TTLL8: variants seen among roughly 807,000 people sequenced by gnomAD.
TTLL8 encodes the protein tubulin tyrosine ligase like 8, also known as protein monoglycylase TTLL8.
Under a neutral mutation model 77.8 loss-of-function variants are expected in TTLL8, and 65 were observed. The observed-to-expected ratio is 0.84, with a 90% CI of 0.68 to 1.03. The LOEUF (loss-of-function observed/expected upper bound fraction) is 1.03, where lower values mean the gene tolerates loss of function less well. Ranked by LOEUF, TTLL8 falls within the 50% of genes least tolerant of loss-of-function variation. The pLI is 0.00. For synonymous variants in TTLL8, 402 were observed against 422.8 expected, an observed-to-expected ratio of 0.95 and a Z score of 0.60; for missense variants, 910 against 1,004.5, an observed-to-expected ratio of 0.91 and a Z score of 1.27.
intron 12 of TTLL8, among the ~76,000 whole-genome samples, chr22:50,020,084 T>A (rs78523676): frequency 6.6e-6 from 1 of 152,330 alleles, no homozygotes; most frequent in African/African-American, 2.4e-5. Flanking sequence ...AAATGAAATA[T>A]GTCAACAACA....
chr22:50,055,440 G>C (rs1366809355), upstream of TTLL8: 3 of 659,640 alleles, frequency 4.5e-6, no homozygotes, highest in African/African-American at 5.8e-5. Flanking sequence ...GATCACCTGA[G>C]GCCAGGAGTT....
At chr22:50,037,504 G>A (rs1344092292) in intron 8 of TTLL8, among the ~76,000 whole-genome samples, 1 of 152,158 alleles carries the variant, frequency 6.6e-6, no homozygotes, top group Non-Finnish European at 1.5e-5. Flanking sequence ...CCGGCCCAAT[G>A]TTTTCCCATT....
At position 50,020,595 on chromosome 22, in the gene TTLL8, G is replaced by A. The variant is rs1052695889; in HGVS notation, c.2204-4033C>T. ...GACAACGTGCACTCCTCCATTTGAC[G>A]TGAACTCCTCCATCTAACGACGTGT... On this transcript the variant is annotated intron_variant, in intron 12 of 13. Transcript: ENST00000266182. Among the ~76,000 whole-genome samples, 12 of 142,448 alleles carry A rather than the reference G, an allele frequency of 8.4e-5. No individual in the cohort carries two copies. In the East Asian group the frequency reaches 1.1e-3, roughly 13 times the overall value. 93.5% of individuals were successfully genotyped at this position (142,448 alleles called of 152,430 possible). A position where few individuals can be genotyped will look rare whatever the true frequency, so the allele number is the denominator to read the frequency against.
chr22:50,036,373 G>A (rs1469732915), intron 8 of TTLL8, among the ~76,000 whole-genome samples: 1 of 152,140 alleles, frequency 6.6e-6, no homozygotes, highest in Non-Finnish European at 1.5e-5. Flanking sequence ...ACGCAGTGGG[G>A]TGCATCCTGC....
At chr22:50,056,386 C>T (rs976664371), upstream of TTLL8, among the ~76,000 whole-genome samples, 1 of 151,900 alleles carries the variant, frequency 6.6e-6, no homozygotes, top group Admixed American at 6.5e-5. The surrounding 1 kb of genome is among the most constrained non-coding windows in gnomAD (Gnocchi z 4.1). Flanking sequence ...GCGAGGACAC[C>T]CACTGCGGGT....
At chr22:50,051,174 C>A (rs1045904066) in intron 1 of TTLL8, among the ~76,000 whole-genome samples, 1 of 152,184 alleles carries the variant, frequency 6.6e-6, no homozygotes, top group Non-Finnish European at 1.5e-5. Flanking sequence ...AATATGTAAT[C>A]TTTTATCCCT....
At chr22:50,027,094 G>A (rs1377278980) in intron 12 of TTLL8, among the ~76,000 whole-genome samples, 1 of 152,076 alleles carries the variant, frequency 6.6e-6, no homozygotes, top group East Asian at 1.9e-4. Flanking sequence ...AAATTAGCTG[G>A]GCGTGGTGGT....
At chr22:50,027,760 A>G (rs1007779515) in intron 12 of TTLL8, 31 of 985,444 alleles carry the variant, frequency 3.1e-5, no homozygotes, top group Non-Finnish European at 3.7e-5. Flanking sequence ...TCACGGAACA[A>G]ACACACACCA....
chr22:50,049,831 G>A (rs959936408), intron 2 of TTLL8, among the ~76,000 whole-genome samples: 3 of 152,154 alleles, frequency 2.0e-5, no homozygotes, highest in East Asian at 3.9e-4. Context: ...GAGGCCGGGC[G>A]GAGAGAGGAT....
At chr22:50,046,995 G>T in intron 4 of TTLL8, 173 bp downstream of exon 6, 3 of 765,978 alleles carry the variant, frequency 3.9e-6, no homozygotes, top group Non-Finnish European at 4.8e-6. Context: ...GGGGTGCTGG[G>T]GGTGGGGTGG....
chr22:50,056,786 GCAGCAGGCTGCAGC>G, upstream of TTLL8: 1 of 1,288,692 alleles, frequency 7.8e-7, no homozygotes, highest in Non-Finnish European at 1.0e-6. The surrounding 1 kb of genome is among the most constrained non-coding windows in gnomAD (Gnocchi z 4.1). Flanking sequence ...TGATTTCCTG[GCAGCAGGCTGCAGC>G]CAGCACTGCC....
upstream of TTLL8, chr22:50,055,334 G>A: frequency 7.8e-7 from 1 of 1,289,826 alleles, no homozygotes; most frequent in Non-Finnish European, 1.0e-6. Context: ...TTCTGCAAAA[G>A]AGAAGGAGGA....
intron 6 of TTLL8, among the ~76,000 whole-genome samples, chr22:50,043,331 A>G (rs1249734352): frequency 2.0e-5 from 3 of 150,462 alleles, no homozygotes; most frequent in Admixed American, 6.7e-5. Context: ...AGATGGATGG[A>G]TAGATAAACA....
chr22:50,045,634 G>A (rs1055895948), intron 5 of TTLL8: 8 of 593,540 alleles, frequency 1.3e-5, no homozygotes, highest in African/African-American at 2.0e-5. Context: ...GCTGCTCGCC[G>A]CGCTGTCCAC....
At chr22:50,035,468 G>A (rs1401206729) in intron 8 of TTLL8, among the ~76,000 whole-genome samples, 1 of 152,176 alleles carries the variant, frequency 6.6e-6, no homozygotes, top group Non-Finnish European at 1.5e-5. Flanking sequence ...GCCCCTGTAG[G>A]GACAAGCCCC....
chr22:50,030,907 G>C (rs753148291), exon 12 of TTLL8: 1 of 1,321,384 alleles, frequency 7.6e-7, no homozygotes, highest in African/African-American at 1.5e-5. Context: ...CCGCTGAATG[G>C]GGGCGGCTCA....
At chr22:50,046,084 C>T (rs2061409434) in intron 4 of TTLL8, 114 bp from the exon 7 acceptor site, 2 of 955,076 alleles carry the variant, frequency 2.1e-6, no homozygotes, top group Non-Finnish European at 2.9e-6. Context: ...GGGCACCACA[C>T]AGCACCCCTA....
In TTLL8 at chr22:50,044,656, C is replaced by T. The variant is rs2061396750; in HGVS notation, c.643+599G>A. Among the ~76,000 whole-genome samples, 1 of 152,198 alleles carries T rather than the reference C, an allele frequency of 6.6e-6. No individual in the cohort carries two copies. Among genetic ancestry groups the T allele is most frequent in the Admixed American group, 6.6e-5 (1 of 15,262 alleles). Reference sequence around the variant, plus strand: ...AATGTTCATCTGTCAACAGTCGAAGCGCACTGCTCTGGTGGGGGATGTTGG... The same window carrying T: ...AATGTTCATCTGTCAACAGTCGAAGTGCACTGCTCTGGTGGGGGATGTTGG... On this transcript the variant is annotated intron_variant, in intron 6 of 13. Coordinates refer to ENST00000266182, the Ensembl canonical transcript of TTLL8. This position sits in a 1 kb window ranked among gnomAD's most constrained non-coding sequence, Gnocchi z 4.2.
exon 10 of TTLL8, chr22:50,033,443 T>C: frequency 7.3e-7 from 1 of 1,361,184 alleles, no homozygotes; most frequent in Non-Finnish European, 9.8e-7. Context: ...ATGCACACTA[T>C]GTCTGCAAGA....
Sources: gnomAD v4.1 joint callset for allele counts (sites outside exome capture counted in the v4.1 genomes callset) on GRCh38, gnomAD v4.1.1 for gene constraint, Gnocchi (gnomAD v3.1) non-coding constraint, MANE v1.5 for transcripts, NCBI Gene and HGNC (gene_info 2026-07-23, HGNC 2026-07-21) for gene names.